The following GABBR2 variants were observed in gnomAD, a reference collection of about 807,000 sequenced individuals.
The protein encoded by GABBR2 is gamma-aminobutyric acid type B receptor subunit 2.
GABBR2 carries 23 observed loss-of-function variants against 105.6 expected under a neutral mutation model. The observed-to-expected ratio is 0.22, with a 90% CI of 0.16 to 0.31. The LOEUF is 0.31. Ranked by LOEUF, GABBR2 falls within the 10% of genes least tolerant of loss-of-function variation. GABBR2 has a pLI of 1.00. For synonymous variants in GABBR2, 478 were observed against 499.7 expected (o/e 0.96, Z 0.58); for missense variants, 734 against 1,245.5 (o/e 0.59, Z 6.18).
intron 8 of GABBR2, among the ~76,000 whole-genome samples, chr9:98,397,935 A>G (rs1362581828): frequency 1.3e-5 from 2 of 152,246 alleles, no homozygotes; most frequent in East Asian, 3.9e-4. Context: ...GGGTCTGCAG[A>G]TGGAAGGACT....
At chr9:98,661,951 G>A (rs1830270898) in intron 1 of GABBR2, among the ~76,000 whole-genome samples, 1 of 152,126 alleles carries the variant, frequency 6.6e-6, no homozygotes, top group African/African-American at 2.4e-5. Context: ...AGAATTGGTC[G>A]AGGCTCCTAT....
intron 13 of GABBR2, among the ~76,000 whole-genome samples, chr9:98,352,638 G>C (rs1037151317): frequency 6.6e-6 from 1 of 152,130 alleles, no homozygotes; most frequent in Admixed American, 6.5e-5. Flanking sequence ...ATCCCTGAAG[G>C]TGTCTGCAGG....
chr9:98,629,710 G>A (rs1829792417), intron 1 of GABBR2, among the ~76,000 whole-genome samples: 3 of 152,116 alleles, frequency 2.0e-5, no homozygotes, highest in Non-Finnish European at 4.4e-5. Context: ...TTTCTTGATT[G>A]TGATTGGTTC....
intron 1 of GABBR2, among the ~76,000 whole-genome samples, chr9:98,627,654 A>G: frequency 6.6e-6 from 1 of 152,372 alleles, no homozygotes; most frequent in Non-Finnish European, 1.5e-5. Context: ...CAGGTGACAG[A>G]TGAGCACCCA....
chr9:98,421,914 G>C (rs1053634110), intron 7 of GABBR2, among the ~76,000 whole-genome samples: 4 of 152,140 alleles, frequency 2.6e-5, no homozygotes, highest in Non-Finnish European at 4.4e-5. Context: ...GAAACCCAGA[G>C]GCAGAACTTC....
chr9:98,498,330 T>C (rs1827326363), intron 3 of GABBR2, among the ~76,000 whole-genome samples: 1 of 152,220 alleles, frequency 6.6e-6, no homozygotes. Flanking sequence ...CACAAACATG[T>C]GAACATACTG....
intron 2 of GABBR2, among the ~76,000 whole-genome samples, chr9:98,556,585 T>C (rs1302300100): frequency 6.6e-6 from 1 of 152,082 alleles, no homozygotes; most frequent in Non-Finnish European, 1.5e-5. Context: ...GGGTTGCGCA[T>C]GGGCAAGAGC....
intron 1 of GABBR2, among the ~76,000 whole-genome samples, chr9:98,591,396 G>T (rs7850302): frequency 6.6e-6 from 1 of 152,212 alleles, no homozygotes; most frequent in African/African-American, 2.4e-5. Context: ...AACACAGGTA[G>T]GTGTGGTTTT....
intron 11 of GABBR2, among the ~76,000 whole-genome samples, chr9:98,385,369 AT>A (rs370119399): frequency 3.3e-5 from 5 of 151,302 alleles, no homozygotes; most frequent in South Asian, 2.1e-4. Flanking sequence ...TGCCTGGCTA[AT>A]TTTTTTTTGT....
At chr9:98,652,295 T>C (rs1588269829) in intron 1 of GABBR2, among the ~76,000 whole-genome samples, 1 of 152,044 alleles carries the variant, frequency 6.6e-6, no homozygotes, top group African/African-American at 2.4e-5. Context: ...CCAGCCCCAT[T>C]CTGCACTCTC....
intron 2 of GABBR2, among the ~76,000 whole-genome samples, chr9:98,577,230 CAAA>C (rs1828932181): frequency 4.5e-4 from 1 of 2,244 alleles, no homozygotes. Flanking sequence ...ATGGATGGAG[CAAA>C]AAAGTAAACA....
At chr9:98,595,852 A>G (rs774665846) in intron 1 of GABBR2, among the ~76,000 whole-genome samples, 22 of 152,100 alleles carry the variant, frequency 1.4e-4, no homozygotes, top group Non-Finnish European at 3.1e-4. Flanking sequence ...AGATGAGCCA[A>G]TCTGGGTCTC....
chr9:98,606,980 C>T (rs767881794), intron 1 of GABBR2: 5 of 799,752 alleles, frequency 6.3e-6, no homozygotes, highest in Middle Eastern at 3.3e-4. Flanking sequence ...AACCGCTGCT[C>T]GCCCCATGTC....
chr9:98,575,464 G>A (rs1364217624), intron 2 of GABBR2, among the ~76,000 whole-genome samples: 1 of 152,164 alleles, frequency 6.6e-6, no homozygotes, highest in Non-Finnish European at 1.5e-5. Flanking sequence ...CACTAACTGT[G>A]TGCCAGACAC....
chr9:98,336,673 C>A (rs1831121640), intron 13 of GABBR2, among the ~76,000 whole-genome samples: 1 of 152,028 alleles, frequency 6.6e-6, no homozygotes, highest in South Asian at 2.1e-4. Context: ...CCACTGACTC[C>A]AGCCTGAGCG....
At chr9:98,696,536 T>C (rs1255859098) in intron 1 of GABBR2, among the ~76,000 whole-genome samples, 3 of 152,184 alleles carry the variant, frequency 2.0e-5, no homozygotes, top group Non-Finnish European at 2.9e-5. Flanking sequence ...ACACTCCTCA[T>C]GCTGCATGGT....
At chr9:98,625,108 T>C (rs1340421425) in intron 1 of GABBR2, among the ~76,000 whole-genome samples, 1 of 152,142 alleles carries the variant, frequency 6.6e-6, no homozygotes, top group Non-Finnish European at 1.5e-5. Context: ...AGCCTGTACA[T>C]ACTCCTGGAT....
At chr9:98,496,345 T>C in intron 4 of GABBR2, 68 bp downstream of exon 4, 1 of 961,194 alleles carries the variant, frequency 1.0e-6, no homozygotes, top group Non-Finnish European at 1.7e-6. Flanking sequence ...TCTTTCATAG[T>C]CAGGTAATTT....
At chr9:98,513,947 C>T (rs907278712) in intron 3 of GABBR2, among the ~76,000 whole-genome samples, 2 of 152,176 alleles carry the variant, frequency 1.3e-5, no homozygotes, top group African/African-American at 4.8e-5. Context: ...GCTATAAAGA[C>T]ACATGCACAC....
Sources: allele counts gnomAD v4.1 joint callset (sites outside exome capture counted in the v4.1 genomes callset), GRCh38; gene constraint gnomAD v4.1.1; transcripts MANE v1.5; gene names NCBI Gene and HGNC (gene_info 2026-07-23, HGNC 2026-07-21).